FABP12: variants seen among roughly 807,000 people sequenced by gnomAD.
FABP12 encodes the protein fatty acid binding protein 12, also known as fatty acid-binding protein 12.
Under a neutral mutation model 13.7 loss-of-function variants are expected in FABP12, and 19 were observed. That is an observed-to-expected ratio of 1.39 (90% confidence interval 0.97 to 2.04). The LOEUF is 2.04. Ranked by LOEUF, FABP12 falls within the 30% of genes most tolerant of loss-of-function variation. The pLI is 0.00. For synonymous variants in FABP12, 61 were observed against 57.0 expected, an observed-to-expected ratio of 1.07 and a Z score of -0.32; for missense variants, 182 against 164.2, an observed-to-expected ratio of 1.11 and a Z score of -0.59.
At chr8:81,585,243 G>T (rs1246506660) in intron 1 of FABP12, among the ~76,000 whole-genome samples, 1 of 152,100 alleles carries the variant, frequency 6.6e-6, no homozygotes, top group East Asian at 1.9e-4. Flanking sequence ...AATTCATTGT[G>T]ATTTGCCGCT....
At chr8:81,548,349 C>T (rs1230328998) in intron 1 of FABP12, among the ~76,000 whole-genome samples, 1 of 152,054 alleles carries the variant, frequency 6.6e-6, no homozygotes, top group Non-Finnish European at 1.5e-5. Flanking sequence ...TACAGAAATG[C>T]ATATAAATAG....
intron 1 of FABP12, among the ~76,000 whole-genome samples, chr8:81,575,125 A>G (rs913667114): frequency 1.3e-5 from 2 of 152,098 alleles, no homozygotes; most frequent in Admixed American, 1.3e-4. Context: ...TGCCTTTGCT[A>G]TATCCCAGAG....
chr8:81,587,181 T>G (rs996061457), intron 1 of FABP12, among the ~76,000 whole-genome samples: 5 of 152,342 alleles, frequency 3.3e-5, no homozygotes, highest in African/African-American at 1.2e-4. Flanking sequence ...TACCATGCTT[T>G]TTTAGTAACT....
chr8:81,549,036 A>G (rs1379652103), intron 1 of FABP12, among the ~76,000 whole-genome samples: 2 of 152,156 alleles, frequency 1.3e-5, no homozygotes, highest in African/African-American at 2.4e-5. Context: ...GGATCTTGAT[A>G]CAACAAACAC....
chr8:81,525,075 C>A (rs749605915), exon 5 of FABP12: 3 of 1,598,316 alleles, frequency 1.9e-6, no homozygotes, highest in East Asian at 4.5e-5. Context: ...TTTGATGATA[C>A]TTTCTCGTAT....
intron 1 of FABP12, among the ~76,000 whole-genome samples, chr8:81,573,755 G>C (rs1809976501): frequency 6.6e-6 from 1 of 151,978 alleles, no homozygotes; most frequent in African/African-American, 2.4e-5. Context: ...TTCTCTGCTT[G>C]TTCACTCTTG....
At chr8:81,555,208 C>T (rs2581540) in intron 1 of FABP12, among the ~76,000 whole-genome samples, 17,196 of 152,108 alleles carry the variant, frequency 0.11, 1,001 homozygotes, top group South Asian at 0.18. Context: ...AATAAAACCA[C>T]GGATTTGTTA....
chr8:81,566,886 TATA>T (rs1431036920), intron 1 of FABP12, among the ~76,000 whole-genome samples: 1 of 152,106 alleles, frequency 6.6e-6, no homozygotes, highest in African/African-American at 2.4e-5. Context: ...TTGCAGATGA[TATA>T]ATCTTATATT....
intron 1 of FABP12, among the ~76,000 whole-genome samples, chr8:81,568,977 A>C (rs994918692): frequency 1.3e-5 from 2 of 152,172 alleles, no homozygotes; most frequent in African/African-American, 4.8e-5. Flanking sequence ...GTGGTGGTGG[A>C]TGGGTGGGGG....
intron 1 of FABP12, among the ~76,000 whole-genome samples, chr8:81,553,585 T>C (rs971088353): frequency 3.9e-5 from 6 of 152,124 alleles, no homozygotes; most frequent in African/African-American, 9.7e-5. Flanking sequence ...ATGCTTTTAT[T>C]TTACACAGGG....
At chr8:81,527,654 A>G (rs904119821) in intron 3 of FABP12, among the ~76,000 whole-genome samples, 1 of 152,090 alleles carries the variant, frequency 6.6e-6, no homozygotes, top group African/African-American at 2.4e-5. Flanking sequence ...GAGCCACCAC[A>G]CCCGGCCATG....
At chr8:81,566,104 A>G (rs1269545918) in intron 1 of FABP12, among the ~76,000 whole-genome samples, 2 of 152,096 alleles carry the variant, frequency 1.3e-5, no homozygotes, top group East Asian at 3.8e-4. Flanking sequence ...CAACCTACCA[A>G]GATTGAACCA....
chr8:81,581,553 CAGAG>C (rs1297074442), intron 1 of FABP12, among the ~76,000 whole-genome samples: 3 of 152,230 alleles, frequency 2.0e-5, no homozygotes, highest in Middle Eastern at 3.4e-3. Context: ...ATGTCAAAGA[CAGAG>C]AGAATTCTAA....
chr8:81,545,425 C>T (rs577167587), intron 1 of FABP12, among the ~76,000 whole-genome samples: 83 of 152,290 alleles, frequency 5.5e-4, no homozygotes, highest in Non-Finnish European at 9.3e-4. Flanking sequence ...AGAGACTAAT[C>T]AGTTTCAATT....
At chr8:81,550,837 A>G (rs1052662488) in intron 1 of FABP12, among the ~76,000 whole-genome samples, 1 of 152,188 alleles carries the variant, frequency 6.6e-6, no homozygotes, top group Non-Finnish European at 1.5e-5. Flanking sequence ...CTTAGTATCA[A>G]TCAATGTCAG....
In FABP12 at chr8:81,549,156, C is replaced by A. The variant is rs139462047; in HGVS notation, c.-184-9413G>T. 2.1e-3 allele frequency among the ~76,000 whole-genome samples: 325 copies of A among 152,038 alleles called. 2 individuals are homozygous for A. The highest frequency in any genetic ancestry group is 3.7e-3 in the Non-Finnish European group (250 of 67,988). The stretch of plus-strand genomic sequence containing the variant: ...CTTCACCTGAAGATTTTGGACTTGA[C>A]CCTCCATGATAGTGTGAGCCAGTTC... On this transcript the variant is annotated intron_variant, in intron 1 of 5. Transcript: ENST00000692030.
upstream of FABP12, among the ~76,000 whole-genome samples, chr8:81,538,005 G>C (rs566171546): frequency 1.3e-4 from 20 of 152,312 alleles, no homozygotes; most frequent in East Asian, 1.9e-3. Flanking sequence ...TGGAAGTATG[G>C]TGCCAGCATC....
At chr8:81,578,739 C>T (rs1029393053) in intron 1 of FABP12, among the ~76,000 whole-genome samples, 6 of 151,026 alleles carry the variant, frequency 4.0e-5, no homozygotes, top group African/African-American at 1.5e-4. Flanking sequence ...CCACCTCGGC[C>T]TCCTAAAGTG....
At chr8:81,530,962 T>A (rs1817416551) in intron 2 of FABP12, among the ~76,000 whole-genome samples, 1 of 152,200 alleles carries the variant, frequency 6.6e-6, no homozygotes, top group Non-Finnish European at 1.5e-5. Flanking sequence ...TACAAAATAA[T>A]CATTTTAAAA....
Sources: allele counts gnomAD v4.1 joint callset (sites outside exome capture counted in the v4.1 genomes callset), GRCh38; gene constraint gnomAD v4.1.1; transcripts MANE v1.5; gene names NCBI Gene and HGNC (gene_info 2026-07-23, HGNC 2026-07-21).